The following FBXO4 variants were observed in gnomAD, a reference collection of about 807,000 sequenced individuals.
FBXO4 encodes the protein F-box only protein 4.
Under a neutral mutation model 43.7 loss-of-function variants are expected in FBXO4, and 36 were observed. The observed-to-expected ratio is 0.82, with a 90% CI of 0.63 to 1.09. FBXO4 has a LOEUF of 1.09. FBXO4 is among the 50% of genes least tolerant of loss of function. FBXO4 has a pLI of 0.00. For missense variants in FBXO4, 435 were observed against 474.1 expected, an observed-to-expected ratio of 0.92 and a Z score of 0.77; for synonymous variants, 180 against 165.6, an observed-to-expected ratio of 1.09 and a Z score of -0.67.
chr5:41,936,155 A>G (rs1000820505), intron 5 of FBXO4, among the ~76,000 whole-genome samples: 7 of 152,242 alleles, frequency 4.6e-5, no homozygotes, highest in African/African-American at 1.4e-4. Flanking sequence ...CACTCACAAA[A>G]TCAAAATGAA....
chr5:41,987,125 A>T, the FBXO4 span, among the ~76,000 whole-genome samples: 26 of 152,302 alleles, frequency 1.7e-4, no homozygotes, highest in African/African-American at 3.1e-4. Context: ...GTGTTTTTAC[A>T]GAAAAATCAG....
the FBXO4 span, among the ~76,000 whole-genome samples, chr5:42,021,752 C>T: frequency 6.6e-6 from 1 of 152,042 alleles, no homozygotes; most frequent in Admixed American, 6.6e-5. Context: ...AGGAGACTTT[C>T]GCTTCTCATT....
the FBXO4 span, among the ~76,000 whole-genome samples, chr5:41,990,764 AT>A: frequency 6.6e-6 from 1 of 152,204 alleles, no homozygotes; most frequent in African/African-American, 2.4e-5. Context: ...AAATAAAAAA[AT>A]GTATTAATGG....
chr5:41,977,041 G>A, the FBXO4 span, among the ~76,000 whole-genome samples: 1 of 152,204 alleles, frequency 6.6e-6, no homozygotes, highest in African/African-American at 2.4e-5. Flanking sequence ...GGGTCCTGTT[G>A]AGCTAGAGCT....
intron 5 of FBXO4, 183 bp from the exon 6 acceptor site, chr5:41,939,258 C>A: frequency 2.0e-6 from 1 of 490,876 alleles, no homozygotes; most frequent in Non-Finnish European, 3.6e-6. Flanking sequence ...AAGGAACTAC[C>A]TGTATCAAGC....
the FBXO4 span, chr5:41,967,670 G>T: frequency 1.4e-6 from 1 of 696,480 alleles, no homozygotes; most frequent in Non-Finnish European, 2.6e-6. Context: ...TGGAGTAGCT[G>T]GTATACGGAA....
the FBXO4 span, among the ~76,000 whole-genome samples, chr5:42,035,201 C>T: frequency 6.6e-5 from 10 of 152,104 alleles, no homozygotes; most frequent in South Asian, 4.1e-4. Context: ...AGTTGCTTAT[C>T]GGCTTAAAGA....
intron 6 of FBXO4, among the ~76,000 whole-genome samples, chr5:41,940,618 C>A (rs1751981852): frequency 6.6e-6 from 1 of 152,148 alleles, no homozygotes; most frequent in African/African-American, 2.4e-5. Flanking sequence ...ACATGATAAC[C>A]CCTGAGTAAA....
the FBXO4 span, among the ~76,000 whole-genome samples, chr5:41,993,939 C>A: frequency 6.6e-6 from 1 of 152,062 alleles, no homozygotes; most frequent in Non-Finnish European, 1.5e-5. Flanking sequence ...ACTTCCCCAG[C>A]CCATTGACGC....
At chr5:41,994,839 A>G in the FBXO4 span, among the ~76,000 whole-genome samples, 1 of 152,052 alleles carries the variant, frequency 6.6e-6, no homozygotes, top group Admixed American at 6.5e-5. Flanking sequence ...GTCAGAATGT[A>G]ATGTCGTGGG....
chr5:41,961,510 G>C, the FBXO4 span, among the ~76,000 whole-genome samples: 1 of 152,138 alleles, frequency 6.6e-6, no homozygotes, highest in South Asian at 2.1e-4. Context: ...AGGGACCCCT[G>C]CTCCCCTGTC....
At chr5:41,967,185 T>A in the FBXO4 span, 1 of 478,870 alleles carries the variant, frequency 2.1e-6, no homozygotes, top group Non-Finnish European at 4.2e-6. Context: ...CTTTCCGTTC[T>A]TCAAGCCTCA....
the FBXO4 span, among the ~76,000 whole-genome samples, chr5:42,033,413 C>G: frequency 6.6e-6 from 1 of 152,144 alleles, no homozygotes; most frequent in Non-Finnish European, 1.5e-5. Flanking sequence ...CTCTGGGATA[C>G]AAGTGCAGAA....
At position 41,939,515 on chromosome 5, in the gene FBXO4, T is replaced by C; in HGVS notation, c.973T>C (p.Leu325=). The change falls in exon 6 of 7, where the codon TTG becomes CTG. Residue 325 remains leucine, a synonymous_variant. Coordinates refer to ENST00000281623, the MANE Select transcript of FBXO4 (RefSeq NM_012176.3). The part of the protein sequence containing the change: ...DPAFGSSGRP[L]LVLSCISQGD... ...AGCCTTTGGGTCTTCGGGAAGACCA[T>C]TGTTGGTTTTATCTTGTATTTCTCA... is the stretch of plus-strand genomic sequence containing the variant. The C allele has an allele frequency of 6.2e-7, 1 of 1,613,490 alleles. No homozygotes were observed. The highest frequency in any genetic ancestry group is 8.5e-7 in the Non-Finnish European group (1 of 1,179,502).
chr5:41,939,429 TAC>T lies in FBXO4; in HGVS notation c.899-10_899-9del, dbSNP rs758822533. The T allele has an allele frequency of 3.4e-5, 54 of 1,585,118 alleles. No individual in the cohort carries two copies. The African/African-American group carries it at 6.4e-4, about 19-fold the overall frequency. ...GTAATGCAAATTAAGGGTTTTGACT[TAC>T]ATTCCTTAGGACATGAATGGCAAGA... On this transcript the variant is annotated splice_polypyrimidine_tract_variant and intron_variant, in intron 5 of 6. Coordinates refer to ENST00000281623, the MANE Select transcript of FBXO4 (RefSeq NM_012176.3).
the FBXO4 span, among the ~76,000 whole-genome samples, chr5:42,037,406 T>G: frequency 6.6e-6 from 1 of 151,988 alleles, no homozygotes; most frequent in Admixed American, 6.6e-5. Context: ...CACTGCCAAA[T>G]TAGAGGAACT....
chr5:41,941,063 C>T (rs964613884), intron 6 of FBXO4, 129 bp from the exon 7 acceptor site: 2 of 609,398 alleles, frequency 3.3e-6, no homozygotes, highest in Admixed American at 2.9e-5. Flanking sequence ...ACTTGAGCAA[C>T]TTATCCAAAG....
the FBXO4 span, among the ~76,000 whole-genome samples, chr5:41,949,685 G>A: frequency 6.6e-6 from 1 of 152,072 alleles, no homozygotes; most frequent in Admixed American, 6.6e-5. Context: ...AGCTACCATC[G>A]ACTTTCTTCA....
the FBXO4 span, among the ~76,000 whole-genome samples, chr5:41,986,249 C>T: frequency 6.6e-6 from 1 of 152,122 alleles, no homozygotes; most frequent in South Asian, 2.1e-4. Flanking sequence ...TCTGGTCCTA[C>T]TCTCTATTTT....
Sources: allele counts gnomAD v4.1 joint callset (sites outside exome capture counted in the v4.1 genomes callset), GRCh38; gene constraint gnomAD v4.1.1; transcripts MANE v1.5; gene names NCBI Gene and HGNC (gene_info 2026-07-23, HGNC 2026-07-21).